The following AFF3 variants were observed in gnomAD, a reference collection of about 807,000 sequenced individuals.
AFF3 encodes the protein AF4/FMR2 family member 3.
AFF3 carries 32 observed loss-of-function variants against 129.7 expected under a neutral mutation model. That is an observed-to-expected ratio of 0.25 (90% CI 0.19 to 0.33). The LOEUF is 0.33. Ranked by LOEUF, AFF3 falls within the 10% of genes least tolerant of loss-of-function variation. AFF3 has a pLI of 1.00. For missense variants in AFF3, 1,373 were observed against 1,592.0 expected (o/e 0.86, Z 2.34); for synonymous variants, 644 against 635.4 (o/e 1.01, Z -0.20).
intron 7 of AFF3, among the ~76,000 whole-genome samples, chr2:99,855,936 T>A (rs1326572377): frequency 6.6e-6 from 1 of 152,156 alleles, no homozygotes; most frequent in Non-Finnish European, 1.5e-5. Flanking sequence ...GCCTGTGTGG[T>A]CTTCCTCCCT....
intron 8 of AFF3, among the ~76,000 whole-genome samples, chr2:99,783,372 G>A (rs1684544855): frequency 6.6e-6 from 1 of 152,184 alleles, no homozygotes; most frequent in Non-Finnish European, 1.5e-5. Context: ...GTCTGGGGAC[G>A]CTGGGTAGAC....
chr2:100,065,874 A>G (rs1457819543), intron 4 of AFF3, among the ~76,000 whole-genome samples: 1 of 152,222 alleles, frequency 6.6e-6, no homozygotes, highest in East Asian at 1.9e-4. Context: ...TAAGTATAAA[A>G]GAGTTTCCAA....
chr2:100,035,693 A>G (rs1684842159), intron 4 of AFF3, among the ~76,000 whole-genome samples: 1 of 152,210 alleles, frequency 6.6e-6, no homozygotes, highest in Non-Finnish European at 1.5e-5. Flanking sequence ...AGTGTTTGCA[A>G]AACTGTGAAC....
At chr2:99,931,980 T>C (rs1199090166) in intron 7 of AFF3, among the ~76,000 whole-genome samples, 1 of 152,230 alleles carries the variant, frequency 6.6e-6, no homozygotes, top group African/African-American at 2.4e-5. Context: ...TGTGCCCTAG[T>C]CTGCCCACAG....
At chr2:100,119,883 T>G (rs1691881936) in intron 2 of AFF3, among the ~76,000 whole-genome samples, 1 of 152,198 alleles carries the variant, frequency 6.6e-6, no homozygotes, top group South Asian at 2.1e-4. Context: ...AAGGAATGTC[T>G]AACAGTGAAT....
In AFF3 at chr2:99,890,406, A is replaced by G. The variant is rs562664407; in HGVS notation, c.874-52882T>C. 1.2e-3 allele frequency among the ~76,000 whole-genome samples: 188 copies of G among 152,344 alleles called. 7 individuals carry two copies. The South Asian group carries it at 0.038, about 31-fold the overall frequency. On this transcript the variant is annotated intron_variant, in intron 7 of 24. Coordinates refer to ENST00000672756, the MANE Select transcript of AFF3 (RefSeq NM_001386135.1). ...GTTTTGGTATTCACTTCAACTGAACATTCATCAGAAATGCAATTAAAAATA... is the reference window on the plus strand; with the variant it reads ...GTTTTGGTATTCACTTCAACTGAACGTTCATCAGAAATGCAATTAAAAATA...
intron 7 of AFF3, among the ~76,000 whole-genome samples, chr2:99,905,764 G>A (rs17436852): frequency 0.035 from 5,372 of 152,202 alleles, 152 homozygotes; most frequent in Middle Eastern, 0.092. Flanking sequence ...CACATCCTAA[G>A]CAATGCATTA....
At position 99,926,935 on chromosome 2, in the gene AFF3, G is replaced by A. The variant is rs911759266; in HGVS notation, c.873+79697C>T. On this transcript the variant is annotated intron_variant, in intron 7 of 24. Coordinates refer to ENST00000672756, the MANE Select transcript of AFF3 (RefSeq NM_001386135.1). ...TAAATCTCCAAAAAATCTGAAGTGC[G>A]GCATCACAGCCAAGTGATGCCAATC... is the stretch of plus-strand genomic sequence containing the variant. Among the ~76,000 whole-genome samples the A allele has an allele frequency of 4.6e-5, 7 of 152,116 alleles. No homozygotes were observed. In the East Asian group the frequency reaches 5.8e-4, roughly 13 times the overall value.
chr2:100,103,699 G>A (rs907155309), intron 4 of AFF3, among the ~76,000 whole-genome samples: 1 of 152,028 alleles, frequency 6.6e-6, no homozygotes, highest in East Asian at 1.9e-4. Flanking sequence ...AGCTGTGAGC[G>A]TGGCATAAAG....
At chr2:100,114,310 T>C (rs951894012) in intron 2 of AFF3, among the ~76,000 whole-genome samples, 3 of 152,204 alleles carry the variant, frequency 2.0e-5, no homozygotes, top group Non-Finnish European at 4.4e-5. Context: ...AGCAGAGCTT[T>C]AGACAAAGAT....
intron 2 of AFF3, among the ~76,000 whole-genome samples, chr2:100,114,319 A>T (rs1691639582): frequency 6.6e-6 from 1 of 152,208 alleles, no homozygotes; most frequent in Non-Finnish European, 1.5e-5. Flanking sequence ...TTAGACAAAG[A>T]TAGCACCCTT....
chr2:99,681,773 C>T (rs1039015509), intron 11 of AFF3, among the ~76,000 whole-genome samples: 2 of 152,106 alleles, frequency 1.3e-5, no homozygotes, highest in Admixed American at 6.5e-5. Flanking sequence ...TACTGTCATT[C>T]AGCAGCTTCC....
chr2:99,695,938 G>GAAAAAAAAAAAAAAAAAA (rs10719354), intron 11 of AFF3, among the ~76,000 whole-genome samples: 1 of 57,646 alleles, frequency 1.7e-5, no homozygotes, highest in Non-Finnish European at 2.9e-5. Flanking sequence ...CTGGAAAAAT[G>GAAAAAAAAAAAAAAAAAA]AAAAAAAAAA....
At chr2:99,698,996 T>C (rs1365764971) in intron 11 of AFF3, among the ~76,000 whole-genome samples, 3 of 152,214 alleles carry the variant, frequency 2.0e-5, no homozygotes, top group Non-Finnish European at 1.5e-5. Flanking sequence ...TAAGAAACTT[T>C]GGTAAACAGG....
chr2:100,121,875 A>T (rs985682688), intron 2 of AFF3, among the ~76,000 whole-genome samples: 2 of 152,004 alleles, frequency 1.3e-5, no homozygotes, highest in Non-Finnish European at 2.9e-5. Context: ...ATCCTGGCTA[A>T]CAAGGTGAAA....
chr2:99,682,655 G>T (rs775358193), intron 11 of AFF3, among the ~76,000 whole-genome samples: 4 of 152,162 alleles, frequency 2.6e-5, no homozygotes, highest in Non-Finnish European at 5.9e-5. Context: ...CTGTCTAGTG[G>T]CAACTTGGCA....
chr2:100,073,021 C>T (rs1489745710), intron 4 of AFF3, among the ~76,000 whole-genome samples: 1 of 152,186 alleles, frequency 6.6e-6, no homozygotes, highest in Non-Finnish European at 1.5e-5. Flanking sequence ...AAGGCCAACG[C>T]TGTGAGTGTC....
At chr2:100,063,731 T>A (rs1313096227) in intron 4 of AFF3, among the ~76,000 whole-genome samples, 1 of 152,132 alleles carries the variant, frequency 6.6e-6, no homozygotes, top group African/African-American at 2.4e-5. Context: ...AAGGAGATGA[T>A]AACTGAGATG....
At chr2:99,912,252 C>T (rs897660990) in intron 7 of AFF3, among the ~76,000 whole-genome samples, 11 of 152,088 alleles carry the variant, frequency 7.2e-5, no homozygotes, top group African/African-American at 2.7e-4. Context: ...TTGACCCATG[C>T]GAAAATATTT....
Sources: allele counts gnomAD v4.1 joint callset (sites outside exome capture counted in the v4.1 genomes callset), GRCh38; gene constraint gnomAD v4.1.1; transcripts MANE v1.5; gene names NCBI Gene and HGNC (gene_info 2026-07-23, HGNC 2026-07-21).